The following NUP107 variants were observed in gnomAD, a reference collection of about 807,000 sequenced individuals.
NUP107 encodes nuclear pore complex protein Nup107.
A neutral mutation model predicts 141.0 loss-of-function variants in NUP107; 101 were observed. The observed-to-expected ratio is 0.72, with a 90% CI of 0.61 to 0.84. The LOEUF is 0.84. Ranked by LOEUF, NUP107 falls within the 40% of genes least tolerant of loss-of-function variation. The pLI is 0.00. For missense variants in NUP107, 941 were observed against 1,102.7 expected, an observed-to-expected ratio of 0.85 and a Z score of 2.08; for synonymous variants, 319 against 363.9, an observed-to-expected ratio of 0.88 and a Z score of 1.41.
chr12:68,732,798 G>A (rs1877892245), intron 23 of NUP107, 59 bp downstream of exon 23: 2 of 1,178,188 alleles, frequency 1.7e-6, no homozygotes, highest in Admixed American at 3.8e-5. Flanking sequence ...TCCTACCTCA[G>A]CCTCCCAAGT....
chr12:68,713,723 C>A lies in NUP107; in HGVS notation c.891-7C>A. ...TTAAAAAATTTGGTACTTATTATTT[C>A]TTTCAGGGAAAATACTCTGCATACC... On this transcript the variant is annotated splice_region_variant and splice_polypyrimidine_tract_variant and intron_variant, in intron 10 of 27. Coordinates refer to ENST00000229179, the MANE Select transcript of NUP107 (RefSeq NM_020401.4). 1 of 1,587,722 alleles carries A rather than the reference C, an allele frequency of 6.3e-7. No individual in the cohort carries two copies. Among genetic ancestry groups the A allele is most frequent in the Non-Finnish European group, 8.5e-7 (1 of 1,171,294 alleles).
chr12:68,739,024 T>G (rs1878204944), intron 26 of NUP107, among the ~76,000 whole-genome samples: 1 of 152,142 alleles, frequency 6.6e-6, no homozygotes, highest in Non-Finnish European at 1.5e-5. Flanking sequence ...CATCACTATA[T>G]CCTGGCATTC....
In NUP107 at chr12:68,742,422, A is replaced by C; in HGVS notation, c.2738A>C (p.Asp913Ala). ...AGAGAGTCCTCTCTAATGCTCCTAG[A>C]CCAGGGACTTGACCCATTAGGGTAT... ...KLRESSLMLL[D>A]QGLDPLGYEI... Residue 913 changes from aspartate (D) to alanine (A), a missense_variant, in exon 28 of 28, where the codon GAC (aspartate) becomes GCC (alanine). By Grantham distance (126) the Asp-to-Ala change is moderately radical (BLOSUM62 -2). Coordinates refer to ENST00000229179, the MANE Select transcript of NUP107 (RefSeq NM_020401.4). 1 of 1,608,062 alleles carries C rather than the reference A, an allele frequency of 6.2e-7. No homozygotes were observed. Among genetic ancestry groups the C allele is most frequent in the Non-Finnish European group, 8.5e-7 (1 of 1,176,368 alleles).
chr12:68,703,565 C>T (rs559775388), intron 8 of NUP107, among the ~76,000 whole-genome samples: 1 of 152,192 alleles, frequency 6.6e-6, no homozygotes, highest in Non-Finnish European at 1.5e-5. Context: ...ATACTTCTGC[C>T]TCAGCCTCCC....
At chr12:68,692,156 G>C (rs1384258498) in intron 5 of NUP107, 44 bp downstream of exon 5, 2 of 1,517,226 alleles carry the variant, frequency 1.3e-6, no homozygotes, top group African/African-American at 2.8e-5. Context: ...TTTCACTTTA[G>C]CAAGATGAAG....
At chr12:68,735,094 C>A in intron 25 of NUP107, 137 bp from the exon 26 acceptor site, 2 of 722,230 alleles carry the variant, frequency 2.8e-6, no homozygotes, top group Non-Finnish European at 2.3e-6. Flanking sequence ...TCTGTTGATA[C>A]TTATTTTTGT....
chr12:68,731,870 G>T (rs1413022454), intron 22 of NUP107, 151 bp downstream of exon 22: 17 of 480,756 alleles, frequency 3.5e-5, no homozygotes, highest in Non-Finnish European at 6.1e-5. Flanking sequence ...TAAATTTAAA[G>T]TCTTATGTAA....
chr12:68,723,646 G>A (rs1050440471), intron 17 of NUP107, among the ~76,000 whole-genome samples: 6 of 152,016 alleles, frequency 3.9e-5, no homozygotes, highest in Admixed American at 3.9e-4. Flanking sequence ...ACCTGGTTGT[G>A]GCAGTTAATT....
chr12:68,712,728 C>G (rs1219104617), intron 10 of NUP107, among the ~76,000 whole-genome samples: 2 of 149,698 alleles, frequency 1.3e-5, no homozygotes, highest in Non-Finnish European at 3.0e-5. Context: ...ATCAGCGGAA[C>G]AGAACAGAGA....
chr12:68,734,717 GA>G lies in NUP107; in HGVS notation c.2275del (p.Thr759ProfsTer9). ...TTATTTCACATTTTAGGAAGCCCATGAAACCTTTAATGAGTGGTTTAAGCAT... is the reference window on the plus strand; with the variant it reads ...TTATTTCACATTTTAGGAAGCCCATGAACCTTTAATGAGTGGTTTAAGCAT... ...LCIRAYLEAH[E>X]TFNEWFKHMN... is the part of the protein sequence containing the mutation. On this transcript the variant is annotated frameshift_variant, in exon 25 of 28. Transcript: ENST00000229179. LOFTEE classifies it high-confidence loss of function. The G allele has an allele frequency of 6.3e-7, 1 of 1,579,770 alleles. No homozygotes were observed.
chr12:68,729,500 G>T (rs1877721742), intron 20 of NUP107, among the ~76,000 whole-genome samples: 1 of 149,502 alleles, frequency 6.7e-6, no homozygotes, highest in Non-Finnish European at 1.5e-5. Context: ...GTAGTGGCAT[G>T]ATCTTGGCTC....
At chr12:68,735,110 G>A in intron 25 of NUP107, 121 bp from the exon 26 acceptor site, 1 of 757,460 alleles carries the variant, frequency 1.3e-6, no homozygotes, top group Non-Finnish European at 2.2e-6. Flanking sequence ...TTTGTACTTG[G>A]CAGACTGAAA....
chr12:68,711,715 C>T lies in NUP107; in HGVS notation c.890+1622C>T, dbSNP rs779180064. ...AAACAAACTGGAATGACCCAGAGAA[C>T]GTAAAGTGTTTGCACAAAGAAGCCA... On this transcript the variant is annotated intron_variant, in intron 10 of 27. Transcript: ENST00000229179. Among the ~76,000 whole-genome samples the T allele has an allele frequency of 5.1e-4, 77 of 152,068 alleles. 1 individual carries two copies. Among genetic ancestry groups the T allele is most frequent in the Non-Finnish European group, 4.1e-4 (28 of 67,992 alleles).
intron 10 of NUP107, 93 bp downstream of exon 10, chr12:68,710,186 C>T (rs781537449): frequency 3.0e-6 from 2 of 670,714 alleles, no homozygotes; most frequent in Non-Finnish European, 5.2e-6. Context: ...ACTTTGTTCA[C>T]ACTACTTTGT....
At chr12:68,702,618 A>C (rs139991082) in intron 7 of NUP107, 118 bp from the exon 8 acceptor site, 2 of 658,630 alleles carry the variant, frequency 3.0e-6, no homozygotes, top group African/African-American at 3.9e-5. Flanking sequence ...GAAAAAATAA[A>C]TAATAAAAAA....
chr12:68,687,023 A>G lies in NUP107; in HGVS notation c.-43A>G, dbSNP rs1436134375. The stretch of plus-strand genomic sequence containing the variant: ...GCGGGAAGGCTAAAACGCGGTAGCT[A>G]AACTGCAGCCAACTTTGGTTGTGTG... On this transcript the variant is annotated 5_prime_UTR_variant, in exon 1 of 28. Transcript: ENST00000229179. The G allele has an allele frequency of 1.9e-6, 3 of 1,613,888 alleles. No homozygotes were observed. Among genetic ancestry groups the G allele is most frequent in the Middle Eastern group, 1.6e-4 (1 of 6,074 alleles).
At chr12:68,701,188 G>A (rs1296556548) in intron 7 of NUP107, among the ~76,000 whole-genome samples, 2 of 152,194 alleles carry the variant, frequency 1.3e-5, no homozygotes, top group Non-Finnish European at 2.9e-5. Flanking sequence ...TCCAGAAGGC[G>A]AAGATTATAC....
At chr12:68,729,988 ATGT>A (rs1286535964) in intron 20 of NUP107, among the ~76,000 whole-genome samples, 1 of 151,304 alleles carries the variant, frequency 6.6e-6, no homozygotes, top group Non-Finnish European at 1.5e-5. Flanking sequence ...TAGAGATAGG[ATGT>A]TGTTCTGTCA....
intron 26 of NUP107, among the ~76,000 whole-genome samples, chr12:68,738,922 CTTTCT>C (rs1878200097): frequency 6.6e-6 from 1 of 152,060 alleles, no homozygotes; most frequent in Non-Finnish European, 1.5e-5. Context: ...GGAATAAAAT[CTTTCT>C]TTTCTTGATG....
Sources: gnomAD v4.1 joint callset for allele counts (sites outside exome capture counted in the v4.1 genomes callset) on GRCh38, gnomAD v4.1.1 for gene constraint, MANE v1.5 for transcripts, NCBI Gene and HGNC (gene_info 2026-07-23, HGNC 2026-07-21) for gene names.